Variants in SESN3 observed in about 807,000 individuals in gnomAD.
SESN3 encodes the protein sestrin 3.
In SESN3, 21 loss-of-function variants were observed where a neutral mutation model predicts 55.3. The ratio of observed to expected loss-of-function variants is 0.38; its 90% CI spans 0.27 to 0.55. SESN3 has a LOEUF of 0.55. Among genes scored for constraint, SESN3 ranks in the 20% least tolerant of loss-of-function variants. The pLI is 0.76. For synonymous variants in SESN3, 181 were observed against 203.1 expected (o/e 0.89, Z 0.93); for missense variants, 408 against 604.3 (o/e 0.68, Z 3.41).
At chr11:95,198,488 T>G (rs1173953468) in intron 1 of SESN3, among the ~76,000 whole-genome samples, 1 of 152,228 alleles carries the variant, frequency 6.6e-6, no homozygotes, top group Non-Finnish European at 1.5e-5. Flanking sequence ...AATATTGCTA[T>G]GTTTTTCTCT....
In SESN3 at chr11:95,230,777, C is replaced by A; in HGVS notation, c.78+6G>T. 1 of 1,604,712 alleles carries A rather than the reference C, an allele frequency of 6.2e-7. No homozygotes were observed. Among genetic ancestry groups the A allele is most frequent in the Non-Finnish European group, 8.5e-7 (1 of 1,176,278 alleles). ...TCGCCGGCAGGACCCCGGGCCGAAC[C>A]CGTACCTTCCGCAGCACTTTCCGGC... On this transcript the variant is annotated splice_donor_region_variant and intron_variant, in intron 1 of 9. Transcript: ENST00000536441. The surrounding 1 kb of genome is among the most constrained non-coding windows in gnomAD (Gnocchi z 4.6).
intron 1 of SESN3, among the ~76,000 whole-genome samples, chr11:95,221,839 T>C (rs994179824): frequency 3.9e-5 from 6 of 152,208 alleles, no homozygotes; most frequent in African/African-American, 9.6e-5. Flanking sequence ...TACTGGCCCA[T>C]AGACCAATAA....
intron 1 of SESN3, among the ~76,000 whole-genome samples, chr11:95,195,031 G>A (rs1264727506): frequency 6.6e-6 from 1 of 151,874 alleles, no homozygotes; most frequent in East Asian, 1.9e-4. Flanking sequence ...TGATTATGAG[G>A]AAAAATTATG....
In SESN3 at chr11:95,166,861, C is replaced by T. The variant is rs74821658; in HGVS notation, c.*6394G>A. ...GGAAGGGGAAACTGTATTTTCTCTCCAGAGAAGACTAAATAATGCAAAGGA... is the reference window on the plus strand; with the variant it reads ...GGAAGGGGAAACTGTATTTTCTCTCTAGAGAAGACTAAATAATGCAAAGGA... On this transcript the variant is annotated 3_prime_UTR_variant, in exon 10 of 10. Coordinates refer to ENST00000536441, the MANE Select transcript of SESN3 (RefSeq NM_144665.4). The T allele has an allele frequency of 0.085, 12,936 of 152,158 alleles. 611 individuals carry two copies. The highest frequency in any genetic ancestry group is 0.14 in the Admixed American group (2,100 of 15,286). The allele number at this position is 152,158 out of a possible 1,614,324, so 9.4% of individuals were successfully genotyped here. A position where few individuals can be genotyped will look rare whatever the true frequency, so the allele number is the denominator to read the frequency against.
intron 3 of SESN3, 66 bp from the exon 4 acceptor site, chr11:95,190,027 A>G (rs1307910276): frequency 1.6e-6 from 2 of 1,228,220 alleles, no homozygotes; most frequent in African/African-American, 1.5e-5. Flanking sequence ...CACTATTTCT[A>G]AACAAATAAT....
intron 1 of SESN3, among the ~76,000 whole-genome samples, chr11:95,207,142 T>TAGGCA (rs1565471779): frequency 7.8e-6 from 1 of 127,628 alleles, no homozygotes; most frequent in South Asian, 2.6e-4. Context: ...CACTAGGCAT[T>TAGGCA]CTAAGTTTAA....
In SESN3 at chr11:95,187,321, GC is replaced by G. The variant is rs558866751; in HGVS notation, c.526-1830del. Among the ~76,000 whole-genome samples, 15 of 151,892 alleles carry G rather than the reference GC, an allele frequency of 9.9e-5. No homozygotes were observed. The South Asian group carries it at 3.1e-3, about 31-fold the overall frequency. On this transcript the variant is annotated intron_variant, in intron 4 of 9. Coordinates refer to ENST00000536441, the MANE Select transcript of SESN3 (RefSeq NM_144665.4). ...CAAAAGGACTGTTAGAATTTACAAT[GC>G]CCTCACCAATCTCTGCAGGATTATC...
At chr11:95,182,853 C>G (rs531583090) in intron 6 of SESN3, among the ~76,000 whole-genome samples, 167 of 152,206 alleles carry the variant, frequency 1.1e-3, no homozygotes, top group Non-Finnish European at 2.1e-3. Context: ...TACCATCGTG[C>G]CTTTGCTTGG....
chr11:95,221,371 C>T (rs1860856345), intron 1 of SESN3, among the ~76,000 whole-genome samples: 1 of 151,972 alleles, frequency 6.6e-6, no homozygotes, highest in Admixed American at 6.6e-5. Flanking sequence ...GCTTTAGTTA[C>T]CCATGAGGTA....
At position 95,167,783 on chromosome 11, in the gene SESN3, G is replaced by A. The variant is rs1352411392; in HGVS notation, c.*5472C>T. 6.6e-6 allele frequency: 1 copy of A among 152,198 alleles called. No individual in the cohort carries two copies. The highest frequency in any genetic ancestry group is 6.5e-5 in the Admixed American group (1 of 15,278). The allele number at this position is 152,198 out of a possible 1,614,324, so 9.4% of individuals were successfully genotyped here. The stretch of plus-strand genomic sequence containing the variant: ...CAGACAACTGTGTGCAGTGTCCCAT[G>A]TTAGAAACCTGACATAATTTTACAT... On this transcript the variant is annotated 3_prime_UTR_variant, in exon 10 of 10. Transcript: ENST00000536441.
intron 1 of SESN3, among the ~76,000 whole-genome samples, chr11:95,203,413 C>T (rs1386583855): frequency 6.6e-6 from 1 of 152,148 alleles, no homozygotes; most frequent in Non-Finnish European, 1.5e-5. Context: ...ACCTTTCACA[C>T]AGCCCCCCAG....
In SESN3 at chr11:95,193,515, CT is replaced by C; in HGVS notation, c.85del (p.Arg29GlufsTer8). The C allele has an allele frequency of 1.3e-6, 2 of 1,582,890 alleles. No homozygotes were observed. The highest frequency in any genetic ancestry group is 1.7e-6 in the Non-Finnish European group (2 of 1,154,764). On this transcript the variant is annotated frameshift_variant, in exon 2 of 10. Transcript: ENST00000536441. LOFTEE classifies it high-confidence loss of function. ...TGTCAAGGGTTGAGACACTCTGATTCTTTTATCCTATTTTTAAAAGAAAAGT... is the reference window on the plus strand; with the variant it reads ...TGTCAAGGGTTGAGACACTCTGATTCTTTATCCTATTTTTAAAAGAAAAGT... ...NCRKVLRKDK[R>X]IRVSQPLTRG...
At chr11:95,201,950 G>A (rs191688478) in intron 1 of SESN3, among the ~76,000 whole-genome samples, 1 of 152,030 alleles carries the variant, frequency 6.6e-6, no homozygotes, top group East Asian at 1.9e-4. Flanking sequence ...TATTCCTGAG[G>A]ATCTGCCTTC....
chr11:95,177,596 A>C, intron 8 of SESN3, 123 bp downstream of exon 8: 1 of 614,806 alleles, frequency 1.6e-6, no homozygotes, highest in Non-Finnish European at 2.7e-6. Context: ...TAATTTTTAA[A>C]ATCAGAAGTC....
At position 95,168,386 on chromosome 11, in the gene SESN3, G is replaced by A. The variant is rs959419063; in HGVS notation, c.*4869C>T. On this transcript the variant is annotated 3_prime_UTR_variant, in exon 10 of 10. Coordinates refer to ENST00000536441, the MANE Select transcript of SESN3 (RefSeq NM_144665.4). Reference sequence around the variant, plus strand: ...TCCTGTTATATGCTAAATTCTGAACGATAGAAATAGTTCAATTTCTGTATC... The same window carrying A: ...TCCTGTTATATGCTAAATTCTGAACAATAGAAATAGTTCAATTTCTGTATC... 1.6e-4 allele frequency: 25 copies of A among 152,130 alleles called. No homozygotes were observed. Among genetic ancestry groups the A allele is most frequent in the African/African-American group, 4.6e-4 (19 of 41,438 alleles). 9.4% of individuals were successfully genotyped at this position (152,130 alleles called of 1,614,324 possible).
At position 95,231,166 on chromosome 11, in the gene SESN3, T is replaced by TGCCACC. The variant is rs1332232136; in HGVS notation, c.-312_-307dup. ...GGCTAGGACGAGCAGCCGCCACCGC[T>TGCCACC]GCCACCGCCACCACCGCCGCCGCAG... On this transcript the variant is annotated 5_prime_UTR_variant, in exon 1 of 10. Coordinates refer to ENST00000536441, the MANE Select transcript of SESN3 (RefSeq NM_144665.4). 6 of 283,898 alleles carry TGCCACC rather than the reference T, an allele frequency of 2.1e-5. No homozygotes were observed. Among genetic ancestry groups the TGCCACC allele is most frequent in the Non-Finnish European group, 3.0e-5 (5 of 164,374 alleles). 17.6% of individuals were successfully genotyped at this position (283,898 alleles called of 1,614,324 possible).
rs893390291 is a variant in SESN3, at chr11:95,219,092, A to G, written c.78+11691T>C. The stretch of plus-strand genomic sequence containing the variant: ...AATATTACAAACTAGAGCTTTAGTT[A>G]TTTTTAATAGCTACACAATATAAAA... On this transcript the variant is annotated intron_variant, in intron 1 of 9. Coordinates refer to ENST00000536441, the MANE Select transcript of SESN3 (RefSeq NM_144665.4). Among the ~76,000 whole-genome samples, 5 of 150,624 alleles carry G rather than the reference A, an allele frequency of 3.3e-5. No individual in the cohort carries two copies. In the East Asian group the frequency reaches 9.7e-4, roughly 29 times the overall value.
intron 8 of SESN3, among the ~76,000 whole-genome samples, chr11:95,177,008 A>T (rs1859970066): frequency 6.6e-6 from 1 of 152,166 alleles, no homozygotes; most frequent in Admixed American, 6.5e-5. Flanking sequence ...ATTAAATTCT[A>T]ATTATCATAA....
intron 1 of SESN3, among the ~76,000 whole-genome samples, chr11:95,207,841 G>GTTTT (rs1450914297): frequency 6.7e-6 from 1 of 150,156 alleles, no homozygotes. Flanking sequence ...GTTTTGTTTT[G>GTTTT]TTTTGTTTTT....
Sources: gnomAD v4.1 joint callset for allele counts (sites outside exome capture counted in the v4.1 genomes callset) on GRCh38, gnomAD v4.1.1 for gene constraint, Gnocchi (gnomAD v3.1) non-coding constraint, MANE v1.5 for transcripts, NCBI Gene and HGNC (gene_info 2026-07-23, HGNC 2026-07-21) for gene names.